CPQ: variants seen among roughly 807,000 people sequenced by gnomAD.
The protein encoded by CPQ is carboxypeptidase Q.
CPQ carries 37 observed loss-of-function variants against 45.7 expected under a neutral mutation model. That is an observed-to-expected ratio of 0.81 (90% confidence interval 0.62 to 1.07). The LOEUF is 1.07. Among genes scored for constraint, CPQ ranks in the 50% least tolerant of loss-of-function variants. The pLI is 0.00. For synonymous variants in CPQ, 186 were observed against 205.8 expected (o/e 0.90, Z 0.82); for missense variants, 537 against 572.9 (o/e 0.94, Z 0.64).
At chr8:97,136,426 A>G (rs1812059716) in intron 7 of CPQ, among the ~76,000 whole-genome samples, 1 of 152,252 alleles carries the variant, frequency 6.6e-6, no homozygotes, top group Non-Finnish European at 1.5e-5. Context: ...ATAAAGAATT[A>G]ATTGAGTACC....
intron 5 of CPQ, among the ~76,000 whole-genome samples, chr8:96,981,743 CA>C (rs1472511267): frequency 1.3e-5 from 2 of 152,154 alleles, no homozygotes; most frequent in African/African-American, 4.8e-5. Context: ...AAGAAAGCCC[CA>C]TGTCCTATAT....
chr8:97,132,346 T>C (rs1489444845), intron 7 of CPQ, among the ~76,000 whole-genome samples: 2 of 152,232 alleles, frequency 1.3e-5, no homozygotes, highest in Non-Finnish European at 1.5e-5. Flanking sequence ...CCTGGGCATC[T>C]GTGCAGCACT....
chr8:97,139,567 T>C (rs1377173282), intron 7 of CPQ, among the ~76,000 whole-genome samples: 2 of 151,956 alleles, frequency 1.3e-5, no homozygotes, highest in East Asian at 3.8e-4. Flanking sequence ...ACAGTTAAAT[T>C]AGAAATCAAT....
At chr8:96,816,892 A>G (rs139654556) in intron 2 of CPQ, among the ~76,000 whole-genome samples, 388 of 152,280 alleles carry the variant, frequency 2.5e-3, no homozygotes, top group Non-Finnish European at 4.6e-3. Context: ...TATCTGTTCT[A>G]TAAACAGATA....
At chr8:96,661,085 G>GA (rs1288730138) in intron 1 of CPQ, among the ~76,000 whole-genome samples, 3 of 152,252 alleles carry the variant, frequency 2.0e-5, no homozygotes, top group African/African-American at 4.8e-5. Context: ...TTTGCAGTGT[G>GA]AAAAATGAAC....
chr8:97,052,141 T>C (rs943157025), intron 6 of CPQ, among the ~76,000 whole-genome samples: 3 of 152,252 alleles, frequency 2.0e-5, no homozygotes, highest in African/African-American at 7.2e-5. Context: ...GCTATTTTCC[T>C]CTTCTACCTT....
intron 6 of CPQ, among the ~76,000 whole-genome samples, chr8:97,060,447 C>T (rs1463502705): frequency 6.6e-6 from 1 of 152,094 alleles, no homozygotes; most frequent in Non-Finnish European, 1.5e-5. Context: ...TAAGAGGTTA[C>T]CTTGGAGCAT....
At chr8:97,096,997 C>T (rs1811220432) in intron 7 of CPQ, among the ~76,000 whole-genome samples, 1 of 152,172 alleles carries the variant, frequency 6.6e-6, no homozygotes, top group Non-Finnish European at 1.5e-5. Flanking sequence ...TTGAGCTATA[C>T]TGAGGCTTCA....
At chr8:97,043,578 G>A (rs1363847441) in intron 6 of CPQ, among the ~76,000 whole-genome samples, 1 of 152,160 alleles carries the variant, frequency 6.6e-6, no homozygotes, top group Non-Finnish European at 1.5e-5. Flanking sequence ...TTTCTTCCTA[G>A]CCTCGATGGT....
intron 5 of CPQ, among the ~76,000 whole-genome samples, chr8:96,980,060 G>A (rs182588295): frequency 3.8e-3 from 571 of 152,194 alleles, no homozygotes; most frequent in Non-Finnish European, 6.5e-3. Flanking sequence ...CTCTATGTTA[G>A]AACATCTTGG....
chr8:96,837,967 A>G (rs752935583), intron 3 of CPQ, among the ~76,000 whole-genome samples: 25 of 152,104 alleles, frequency 1.6e-4, no homozygotes, highest in Non-Finnish European at 2.8e-4. Flanking sequence ...AGCAATCACT[A>G]ACACTTTTCC....
intron 1 of CPQ, among the ~76,000 whole-genome samples, chr8:96,711,684 G>A (rs1480419443): frequency 6.6e-6 from 1 of 152,056 alleles, no homozygotes; most frequent in African/African-American, 2.4e-5. Context: ...CAGCATGGGG[G>A]TAACTGCCCC....
At chr8:96,748,080 A>AT (rs1763462763) in intron 1 of CPQ, among the ~76,000 whole-genome samples, 3 of 152,038 alleles carry the variant, frequency 2.0e-5, no homozygotes, top group Admixed American at 2.0e-4. Flanking sequence ...TACTATTTTC[A>AT]TTTTTTATGT....
chr8:97,069,368 C>T (rs1810696258), intron 7 of CPQ, among the ~76,000 whole-genome samples: 1 of 151,668 alleles, frequency 6.6e-6, no homozygotes, highest in Non-Finnish European at 1.5e-5. Context: ...GTGGCTTACC[C>T]CTGTAATCCC....
intron 2 of CPQ, among the ~76,000 whole-genome samples, chr8:96,808,506 G>C (rs1167479557): frequency 6.6e-6 from 1 of 152,144 alleles, no homozygotes; most frequent in Admixed American, 6.6e-5. Context: ...CCTCCTTATA[G>C]AGAGAAATCC....
rs1373300072 is a variant in CPQ at position 96,950,422 on chromosome 8, A to T, written c.850-15513A>T. On this transcript the variant is annotated intron_variant, in intron 4 of 7. Transcript: ENST00000220763. ...CTGTATGCCAGGCCTTGTGAGGAAT[A>T]CATGGGAAGGAAATAAAAAGGTCTC... Among the ~76,000 whole-genome samples the T allele has an allele frequency of 3.3e-5, 5 of 152,240 alleles. No homozygotes were observed. In the South Asian group the frequency reaches 1.0e-3, roughly 32 times the overall value.
chr8:96,927,496 G>A (rs1018213569), intron 4 of CPQ, among the ~76,000 whole-genome samples: 6 of 152,110 alleles, frequency 3.9e-5, no homozygotes, highest in Non-Finnish European at 7.4e-5. Flanking sequence ...AAGCCCCAGG[G>A]GCTCCATTCA....
At chr8:96,937,047 A>G in intron 4 of CPQ, among the ~76,000 whole-genome samples, 1 of 151,160 alleles carries the variant, frequency 6.6e-6, no homozygotes. Context: ...GTATTTAATG[A>G]CTCCTACTCT....
At chr8:97,023,342 T>A (rs1363896646) in intron 5 of CPQ, among the ~76,000 whole-genome samples, 1 of 149,640 alleles carries the variant, frequency 6.7e-6, no homozygotes, top group African/African-American at 2.5e-5. Context: ...TGGGAAGGAG[T>A]TGAGGGATAA....
Sources: allele counts gnomAD v4.1 joint callset (sites outside exome capture counted in the v4.1 genomes callset), GRCh38; gene constraint gnomAD v4.1.1; transcripts MANE v1.5; gene names NCBI Gene and HGNC (gene_info 2026-07-23, HGNC 2026-07-21).